The following C2orf15 variants were observed in gnomAD, a reference collection of about 807,000 sequenced individuals.
The protein encoded by C2orf15 is chromosome 2 open reading frame 15, also known as uncharacterized protein C2orf15.
Under a neutral mutation model 4.4 loss-of-function variants are expected in C2orf15, and 3 were observed. The observed-to-expected ratio is 0.67, with a 90% confidence interval of 0.31 to 1.74. C2orf15 has a LOEUF of 1.74. Among genes scored for constraint, C2orf15 ranks in the 40% most tolerant of loss-of-function variants. The probability of loss-of-function intolerance (pLI) is 0.09; values close to 1 mark genes in which losing one functional copy is unlikely to be tolerated. For synonymous variants in C2orf15, 37 were observed against 36.8 expected, an observed-to-expected ratio of 1.00 and a Z score of -0.02; for missense variants, 90 against 103.3, an observed-to-expected ratio of 0.87 and a Z score of 0.56.
chr2:99,151,405 C>T lies in C2orf15; in HGVS notation c.*571C>T, dbSNP rs11890338. The stretch of plus-strand genomic sequence containing the variant: ...TTGAACCCTGGAGGCGGAGGCTGCA[C>T]TGAGCTGAGGTCATGCCATTGTACT... On this transcript the variant is annotated 3_prime_UTR_variant, in exon 4 of 4. Coordinates refer to ENST00000650052, the MANE Select transcript of C2orf15 (RefSeq NM_144706.4). 0.6 allele frequency: 88,073 copies of T among 146,706 alleles called. 27,017 individuals carry two copies. The highest frequency in any genetic ancestry group is 0.88 in the East Asian group (4,437 of 5,020). 9.1% of individuals were successfully genotyped at this position (146,706 alleles called of 1,614,324 possible).
At chr2:99,146,371 T>C (rs2093632155) in intron 2 of C2orf15, among the ~76,000 whole-genome samples, 1 of 152,244 alleles carries the variant, frequency 6.6e-6, no homozygotes, top group South Asian at 2.1e-4. Flanking sequence ...TCTCTTTTTA[T>C]TCCAGCCATT....
At chr2:99,145,039 A>G (rs1183345729) in intron 2 of C2orf15, among the ~76,000 whole-genome samples, 2 of 152,190 alleles carry the variant, frequency 1.3e-5, no homozygotes. Flanking sequence ...GAGATTTACA[A>G]GTTCAAATTG....
At chr2:99,143,719 A>G (rs1384165011) in intron 2 of C2orf15, among the ~76,000 whole-genome samples, 1 of 151,592 alleles carries the variant, frequency 6.6e-6, no homozygotes, top group Non-Finnish European at 1.5e-5. Context: ...TGATCCACCC[A>G]CCTCAGCATC....
intron 3 of C2orf15, 129 bp downstream of exon 3, chr2:99,147,622 G>T: frequency 1.2e-6 from 1 of 804,238 alleles, no homozygotes; most frequent in South Asian, 2.4e-5. Context: ...GATTTCAAAT[G>T]CCATGTTTTA....
chr2:99,149,336 C>G lies in C2orf15; in HGVS notation c.-76-1147C>G, dbSNP rs930059779. Among the ~76,000 whole-genome samples, 42 of 152,054 alleles carry G rather than the reference C, an allele frequency of 2.8e-4. 2 individuals are homozygous for G. The highest frequency in any genetic ancestry group is 6.6e-5 in the Admixed American group (1 of 15,258). ...AGCCTGTCCCTTCTGCCATCCTGGT[C>G]AACTCTGCCTACCAAATTCCTGCCC... On this transcript the variant is annotated intron_variant, in intron 3 of 3. Transcript: ENST00000650052.
At chr2:99,149,737 C>T (rs1429087240) in intron 3 of C2orf15, among the ~76,000 whole-genome samples, 8 of 149,176 alleles carry the variant, frequency 5.4e-5, no homozygotes, top group Non-Finnish European at 7.4e-5. Context: ...CCACTGCGCT[C>T]GGCCGATCAT....
At chr2:99,143,133 CTTTTTTTTTTT>C (rs10605521) in intron 2 of C2orf15, among the ~76,000 whole-genome samples, 2 of 82,154 alleles carry the variant, frequency 2.4e-5, no homozygotes, top group Admixed American at 1.6e-4. Context: ...CCAACTAAAC[CTTTTTTTTTTT>C]TTTTTTTTTT....
At chr2:99,146,608 G>A (rs1015222509) in intron 2 of C2orf15, among the ~76,000 whole-genome samples, 21 of 152,018 alleles carry the variant, frequency 1.4e-4, no homozygotes, top group Non-Finnish European at 2.6e-4. Context: ...TTCACATTTA[G>A]GTCTTTAATG....
intron 1 of C2orf15, 24 bp downstream of exon 1, chr2:99,141,961 A>T (rs1242043610): frequency 6.6e-6 from 1 of 152,434 alleles, no homozygotes; most frequent in Non-Finnish European, 1.5e-5. Flanking sequence ...GCCTGGAGTC[A>T]GGGGAGCCTG....
intron 3 of C2orf15, among the ~76,000 whole-genome samples, chr2:99,149,187 G>A (rs1480005456): frequency 7.0e-6 from 1 of 141,932 alleles, no homozygotes; most frequent in Non-Finnish European, 1.6e-5. Context: ...AAAAAAAAAT[G>A]GGTGAGGGAT....
In C2orf15 at chr2:99,150,484, A is replaced by G. The variant is rs767862764; in HGVS notation, c.-75A>G. ...TGTTACTTTTTTTTTTTTTTTCAGT[A>G]ATCAAGTTGAAGAAACACTTCCACT... On this transcript the variant is annotated splice_region_variant and 5_prime_UTR_variant, in exon 4 of 4. Coordinates refer to ENST00000650052, the MANE Select transcript of C2orf15 (RefSeq NM_144706.4). 1.2e-5 allele frequency: 18 copies of G among 1,459,506 alleles called. No homozygotes were observed. The highest frequency in any genetic ancestry group is 4.6e-5 in the Admixed American group (2 of 43,494). 90.4% of individuals were successfully genotyped at this position (1,459,506 alleles called of 1,614,324 possible). A position where few individuals can be genotyped will look rare whatever the true frequency, so the allele number is the denominator to read the frequency against.
rs1335172708 is a variant in C2orf15 at position 99,150,773 on chromosome 2, C to G, written c.215C>G (p.Ala72Gly). The G allele has an allele frequency of 7.4e-6, 12 of 1,613,040 alleles. No homozygotes were observed. Among genetic ancestry groups the G allele is most frequent in the African/African-American group, 1.3e-5 (1 of 74,762 alleles). ...GTGTGSLSGKALGSVVYVKES... is the reference protein window; with the variant it reads ...GTGTGSLSGKGLGSVVYVKES... ...GGCACAGGATCTCTTTCTGGGAAAG[C>G]CTTGGGTTCAGTGGTATATGTCAAA... Residue 72 changes from alanine to glycine, a missense_variant, in exon 4 of 4, where the codon GCC becomes GGC. Ala to Gly is a moderately conservative substitution (Grantham distance 60). Coordinates refer to ENST00000650052, the MANE Select transcript of C2orf15 (RefSeq NM_144706.4).
chr2:99,150,604 C>T lies in C2orf15; in HGVS notation c.46C>T (p.His16Tyr). The T allele has an allele frequency of 1.2e-6, 2 of 1,613,622 alleles. No homozygotes were observed. The highest frequency in any genetic ancestry group is 1.7e-6 in the Non-Finnish European group (2 of 1,179,802). ...ATCTGCTACTCAGGTATCTGCTATA[C>T]ATATGGATTCAAAAGTGGATGATCA... ...SKSATQVSAIHMDSKVDDHLI... is the reference protein window; with the variant it reads ...SKSATQVSAIYMDSKVDDHLI... The change falls in exon 4 of 4, where the codon CAT (histidine) becomes TAT (tyrosine). Residue 16 changes from histidine to tyrosine, a missense_variant. His to Tyr is a moderately conservative substitution (Grantham distance 83). Transcript: ENST00000650052.
chr2:99,143,506 C>T (rs912435943), intron 2 of C2orf15, among the ~76,000 whole-genome samples: 2 of 148,730 alleles, frequency 1.3e-5, no homozygotes, highest in Non-Finnish European at 1.5e-5. Flanking sequence ...CTCTGTTGCC[C>T]TGTACCCAGG....
intron 3 of C2orf15, among the ~76,000 whole-genome samples, chr2:99,148,662 G>T (rs377390461): frequency 6.6e-5 from 10 of 152,228 alleles, no homozygotes; most frequent in African/African-American, 2.4e-4. Flanking sequence ...AAATATTAAA[G>T]ACATAATACA....
intron 3 of C2orf15, 111 bp downstream of exon 3, chr2:99,147,604 C>A: frequency 2.2e-6 from 2 of 917,696 alleles, no homozygotes; most frequent in South Asian, 2.0e-5. Flanking sequence ...CATTCTTTTA[C>A]GTTTGTTGAT....
At position 99,150,679 on chromosome 2, in the gene C2orf15, T is replaced by C. The variant is rs745786265; in HGVS notation, c.121T>C (p.Phe41Leu). 2 of 1,614,084 alleles carry C rather than the reference T, an allele frequency of 1.2e-6. No homozygotes were observed. Among genetic ancestry groups the C allele is most frequent in the South Asian group, 2.2e-5 (2 of 91,076 alleles). Residue 41 changes from phenylalanine to leucine, a missense_variant, in exon 4 of 4, where the codon TTT becomes CTT. Transcript: ENST00000650052. ...CAGGTTGGAACCAGCGACTCAGTTA[T>C]TTCAAAACACCAAGAAAATAAGATT... ...KSRLEPATQL[F>L]QNTKKIRLED...
chr2:99,151,371 G>A lies in C2orf15; in HGVS notation c.*537G>A, dbSNP rs1284114285. ...CCAGCTACCTGGGAGGCTGAGGAAG[G>A]AGAATCGCTTGAACCCTGGAGGCGG... On this transcript the variant is annotated 3_prime_UTR_variant, in exon 4 of 4. Transcript: ENST00000650052. 1.3e-5 allele frequency: 2 copies of A among 148,936 alleles called. No homozygotes were observed. Among genetic ancestry groups the A allele is most frequent in the Non-Finnish European group, 2.9e-5 (2 of 68,000 alleles). 9.2% of individuals were successfully genotyped at this position (148,936 alleles called of 1,614,324 possible).
intron 2 of C2orf15, among the ~76,000 whole-genome samples, chr2:99,144,001 T>C (rs1037955801): frequency 1.3e-5 from 2 of 149,340 alleles, no homozygotes; most frequent in Non-Finnish European, 3.0e-5. Context: ...GTTCCACAGC[T>C]CACTGATGCT....
Sources: allele counts gnomAD v4.1 joint callset (sites outside exome capture counted in the v4.1 genomes callset), GRCh38; gene constraint gnomAD v4.1.1; transcripts MANE v1.5; gene names NCBI Gene and HGNC (gene_info 2026-07-23, HGNC 2026-07-21).